Variants in RGPD2 observed in about 807,000 individuals in gnomAD.
The protein encoded by RGPD2 is RANBP2 like and GRIP domain containing 2.
A neutral mutation model predicts 36.0 loss-of-function variants in RGPD2; 2 were observed. That is an observed-to-expected ratio of 0.06 (90% CI 0.02 to 0.17). The LOEUF (loss-of-function observed/expected upper bound fraction) is 0.17, where lower values mean the gene tolerates loss of function less well. Ranked by LOEUF, RGPD2 falls within the 10% of genes least tolerant of loss-of-function variation. The probability of loss-of-function intolerance (pLI) is 1.00; values close to 1 mark genes in which losing one functional copy is unlikely to be tolerated. For synonymous variants in RGPD2, 19 were observed against 163.8 expected, an observed-to-expected ratio of 0.12 and a Z score of 6.75; for missense variants, 40 against 464.3, an observed-to-expected ratio of 0.09 and a Z score of 8.40.
At chr2:87,922,618 ATTCATT>A in the RGPD2 span, among the ~76,000 whole-genome samples, 1 of 148,580 alleles carries the variant, frequency 6.7e-6, no homozygotes, top group Non-Finnish European at 1.5e-5. Flanking sequence ...GTACTATTTT[ATTCATT>A]TTGAAATGTT....
chr2:87,985,131 ATAATC>A, the RGPD2 span, among the ~76,000 whole-genome samples: 91,149 of 104,486 alleles, frequency 0.87, 40,357 homozygotes, highest in East Asian at 0.99. Context: ...GATTTTGTAA[ATAATC>A]TAATAAGGGC....
chr2:87,939,672 G>GT, the RGPD2 span, among the ~76,000 whole-genome samples: 3 of 151,772 alleles, frequency 2.0e-5, no homozygotes, highest in Non-Finnish European at 4.4e-5. Flanking sequence ...ATATGACAGC[G>GT]TATCTCCCAA....
the RGPD2 span, among the ~76,000 whole-genome samples, chr2:87,863,731 T>C: frequency 6.6e-6 from 1 of 152,120 alleles, no homozygotes; most frequent in Non-Finnish European, 1.5e-5. Context: ...TATATATGTA[T>C]ATATGTAAAG....
At chr2:87,951,745 T>C in the RGPD2 span, among the ~76,000 whole-genome samples, 1 of 142,362 alleles carries the variant, frequency 7.0e-6, no homozygotes, top group Non-Finnish European at 1.5e-5. Context: ...CCACCACACC[T>C]GGCTAACTTT....
chr2:87,988,639 C>T, the RGPD2 span, among the ~76,000 whole-genome samples: 1 of 149,704 alleles, frequency 6.7e-6, no homozygotes, highest in Non-Finnish European at 1.5e-5. Flanking sequence ...ATTCTGGGTT[C>T]AAGCAATTCT....
chr2:87,876,466 T>TA, the RGPD2 span, among the ~76,000 whole-genome samples: 1 of 152,244 alleles, frequency 6.6e-6, no homozygotes, highest in Admixed American at 6.5e-5. Flanking sequence ...TGTTGATTTT[T>TA]ATCTTAATTT....
chr2:87,781,676 G>A (rs1685417054), intron 20 of RGPD2, among the ~76,000 whole-genome samples: 1 of 150,224 alleles, frequency 6.7e-6, no homozygotes, highest in Admixed American at 6.6e-5. Flanking sequence ...TGGCCAGGCT[G>A]GTCTCGAACT....
chr2:87,763,295 C>G (rs1684950659), intron 22 of RGPD2, among the ~76,000 whole-genome samples: 1 of 149,440 alleles, frequency 6.7e-6, no homozygotes, highest in African/African-American at 2.5e-5. Context: ...GTAGCTGGGA[C>G]TACAGGCGCC....
At chr2:87,825,331 A>AT (rs918696636) in intron 1 of RGPD2, among the ~76,000 whole-genome samples, 2 of 150,162 alleles carry the variant, frequency 1.3e-5, no homozygotes, top group African/African-American at 4.9e-5. Flanking sequence ...ATCCTTAATC[A>AT]TTTTTATTGC....
chr2:87,937,643 T>TC, the RGPD2 span, among the ~76,000 whole-genome samples: 1 of 151,840 alleles, frequency 6.6e-6, no homozygotes, highest in Non-Finnish European at 1.5e-5. Flanking sequence ...CCAGGGATCT[T>TC]CCCCCATGGC....
At chr2:87,881,803 T>C in the RGPD2 span, among the ~76,000 whole-genome samples, 32 of 152,274 alleles carry the variant, frequency 2.1e-4, no homozygotes, top group Non-Finnish European at 3.7e-4. Context: ...GCTGTTCTTG[T>C]ATTGCTATAA....
the RGPD2 span, among the ~76,000 whole-genome samples, chr2:87,854,895 T>C: frequency 5.3e-5 from 8 of 152,218 alleles, no homozygotes; most frequent in African/African-American, 1.9e-4. Context: ...AAATTGTACG[T>C]ATTCAAGTTG....
At chr2:87,880,118 G>T in the RGPD2 span, among the ~76,000 whole-genome samples, 1 of 119,918 alleles carries the variant, frequency 8.3e-6, no homozygotes, top group Admixed American at 8.3e-5. Flanking sequence ...CTTCTTTTGA[G>T]AAAAGTCTAT....
At chr2:87,858,148 CGT>C in the RGPD2 span, among the ~76,000 whole-genome samples, 1 of 152,036 alleles carries the variant, frequency 6.6e-6, no homozygotes, top group Admixed American at 6.5e-5. Context: ...CATGGTGGTG[CGT>C]GCCTGTAATC....
chr2:87,849,440 T>C, the RGPD2 span, among the ~76,000 whole-genome samples: 4 of 152,220 alleles, frequency 2.6e-5, no homozygotes, highest in Admixed American at 1.3e-4. Flanking sequence ...TGAAGTCATT[T>C]ATTAATTTTG....
At chr2:87,952,661 A>G in the RGPD2 span, among the ~76,000 whole-genome samples, 2 of 151,944 alleles carry the variant, frequency 1.3e-5, no homozygotes, top group African/African-American at 4.8e-5. Flanking sequence ...GATGAAGTAG[A>G]TAAAACAAGG....
the RGPD2 span, among the ~76,000 whole-genome samples, chr2:87,964,744 A>G: frequency 7.0e-6 from 1 of 142,336 alleles, no homozygotes; most frequent in Non-Finnish European, 1.5e-5. Context: ...AAGGCCATCA[A>G]AACTTTTGCC....
At position 87,824,683 on chromosome 2, in the gene RGPD2, C is replaced by CT. The variant is rs559696323; in HGVS notation, c.72+974dup. Among the ~76,000 whole-genome samples the CT allele has an allele frequency of 2.1e-3, 307 of 145,960 alleles. 2 individuals are homozygous for CT. The highest frequency in any genetic ancestry group is 5.8e-3 in the Admixed American group (86 of 14,832). ...TAAATTTGGGGGAAAAAAAAAGACT[C>CT]TAAGTGTAAGAGAGGTGAGGCCGAG... On this transcript the variant is annotated intron_variant, in intron 1 of 22. Coordinates refer to ENST00000398146, the MANE Select transcript of RGPD2 (RefSeq NM_001078170.3).
the RGPD2 span, among the ~76,000 whole-genome samples, chr2:87,885,509 G>A: frequency 6.6e-6 from 1 of 151,294 alleles, no homozygotes; most frequent in Non-Finnish European, 1.5e-5. Context: ...AGAGCAATTA[G>A]GCAAGAGAGA....
Sources: gnomAD v4.1 joint callset for allele counts (sites outside exome capture counted in the v4.1 genomes callset) on GRCh38, gnomAD v4.1.1 for gene constraint, MANE v1.5 for transcripts, NCBI Gene and HGNC (gene_info 2026-07-23, HGNC 2026-07-21) for gene names.